Variants in ZNF385D observed in about 807,000 individuals in gnomAD.
ZNF385D encodes the protein zinc finger protein 659.
Under a neutral mutation model 35.8 loss-of-function variants are expected in ZNF385D, and 15 were observed. That is an observed-to-expected ratio of 0.42 (90% CI 0.28 to 0.64). The LOEUF is 0.64. Among genes scored for constraint, ZNF385D ranks in the 30% least tolerant of loss-of-function variants. The pLI is 0.23. For missense variants in ZNF385D, 474 were observed against 494.6 expected (o/e 0.96, Z 0.39); for synonymous variants, 212 against 186.8 (o/e 1.13, Z -1.10).
At position 21,915,424 on chromosome 3, in the gene ZNF385D, G is replaced by A. The variant is rs569843428; in HGVS notation, c.326-250396C>T. Among the ~76,000 whole-genome samples the A allele has an allele frequency of 2.6e-5, 4 of 152,214 alleles. No homozygotes were observed. In the South Asian group the frequency reaches 8.3e-4, roughly 32 times the overall value. ...TTAATAGCATTGTGTTACTTTGGAA[G>A]TACTATCATGCCTCTTTTTAATGTA... is the stretch of plus-strand genomic sequence containing the variant. On this transcript the variant is annotated intron_variant, in intron 3 of 5. Transcript: ENST00000494108.
At chr3:21,895,263 C>G (rs1047092390) in intron 3 of ZNF385D, among the ~76,000 whole-genome samples, 6 of 148,730 alleles carry the variant, frequency 4.0e-5, no homozygotes, top group African/African-American at 1.5e-4. Context: ...ACATGAGATT[C>G]CTACAAGTAG....
chr3:21,586,112 G>A (rs1289575867), intron 2 of ZNF385D, among the ~76,000 whole-genome samples: 1 of 152,084 alleles, frequency 6.6e-6, no homozygotes, highest in Non-Finnish European at 1.5e-5. Context: ...AGGCTAAGAT[G>A]AGAGGATCAC....
intron 2 of ZNF385D, among the ~76,000 whole-genome samples, chr3:22,174,957 C>A (rs1694717319): frequency 6.6e-6 from 1 of 151,792 alleles, no homozygotes; most frequent in South Asian, 2.1e-4. Flanking sequence ...AAGTTTTGCT[C>A]AAAAAAACTT....
chr3:21,440,170 T>G (rs1415969164), intron 4 of ZNF385D, among the ~76,000 whole-genome samples: 1 of 152,092 alleles, frequency 6.6e-6, no homozygotes, highest in Admixed American at 6.6e-5. Context: ...TTCTATACAA[T>G]GCATACATAT....
At chr3:21,946,728 A>T (rs1452583650) in intron 3 of ZNF385D, among the ~76,000 whole-genome samples, 2 of 152,206 alleles carry the variant, frequency 1.3e-5, no homozygotes, top group African/African-American at 4.8e-5. Context: ...GCTACTAGGG[A>T]GGCTGAAGCA....
chr3:21,462,900 C>A (rs566929107), intron 4 of ZNF385D, among the ~76,000 whole-genome samples: 6 of 152,144 alleles, frequency 3.9e-5, no homozygotes, highest in South Asian at 4.1e-4. Context: ...CAGAATCACT[C>A]GAACCAGGGA....
intron 1 of ZNF385D, among the ~76,000 whole-genome samples, chr3:21,676,155 C>T (rs1462015738): frequency 6.6e-6 from 1 of 152,048 alleles, no homozygotes; most frequent in African/African-American, 2.4e-5. Context: ...GTTTTAAGGG[C>T]CTATATTTAG....
At chr3:21,817,958 G>C (rs1239527730) in intron 3 of ZNF385D, among the ~76,000 whole-genome samples, 1 of 152,194 alleles carries the variant, frequency 6.6e-6, no homozygotes, top group Admixed American at 6.5e-5. Flanking sequence ...ACTGGATTAA[G>C]AAAATTTGGC....
Position 21,412,489 on chromosome 3 carries a change from A to G in ZNF385D, c.*8725T>C, listed in dbSNP as rs956063310. The stretch of plus-strand genomic sequence containing the variant: ...AAAAAAAGTTTCCCAAATTGAAAAC[A>G]TTGCCTATGGATTATCTACAGAAGA... On this transcript the variant is annotated 3_prime_UTR_variant, in exon 8 of 8. Transcript: ENST00000281523. 6.6e-6 allele frequency: 1 copy of G among 152,110 alleles called. No individual in the cohort carries two copies. Among genetic ancestry groups the G allele is most frequent in the African/African-American group, 2.4e-5 (1 of 41,434 alleles). 9.4% of individuals were successfully genotyped at this position (152,110 alleles called of 1,614,324 possible).
intron 3 of ZNF385D, among the ~76,000 whole-genome samples, chr3:21,969,326 G>A (rs1703100648): frequency 6.6e-6 from 1 of 152,046 alleles, no homozygotes; most frequent in Admixed American, 6.5e-5. Flanking sequence ...CATGGGGGCA[G>A]TTTCCCCCAT....
chr3:21,447,938 G>A (rs1372249043), intron 4 of ZNF385D, among the ~76,000 whole-genome samples: 1 of 152,094 alleles, frequency 6.6e-6, no homozygotes, highest in African/African-American at 2.4e-5. Context: ...AGGGTGCAAT[G>A]ATAAAATATT....
At chr3:21,949,475 T>C (rs923190007) in intron 3 of ZNF385D, among the ~76,000 whole-genome samples, 1 of 151,864 alleles carries the variant, frequency 6.6e-6, no homozygotes, top group African/African-American at 2.4e-5. Context: ...TGTTTTAGGG[T>C]AGTCTAAACT....
chr3:21,482,913 C>G (rs330889), intron 4 of ZNF385D, among the ~76,000 whole-genome samples: 58,959 of 151,832 alleles, frequency 0.39, 12,939 homozygotes, highest in African/African-American at 0.6. Context: ...CATCTAGATT[C>G]CTGCAATGAC....
At chr3:21,604,800 G>C (rs551960485) in intron 2 of ZNF385D, among the ~76,000 whole-genome samples, 1 of 152,256 alleles carries the variant, frequency 6.6e-6, no homozygotes, top group South Asian at 2.1e-4. Flanking sequence ...AAATATGCAA[G>C]GGAAGAGAAG....
chr3:21,960,841 G>T (rs896337884), intron 3 of ZNF385D, among the ~76,000 whole-genome samples: 6 of 152,108 alleles, frequency 3.9e-5, no homozygotes, highest in African/African-American at 1.4e-4. Context: ...AATAAATACT[G>T]TATGTTCTCG....
At chr3:22,362,323 T>C (rs911491457) in intron 2 of ZNF385D, among the ~76,000 whole-genome samples, 1 of 152,042 alleles carries the variant, frequency 6.6e-6, no homozygotes, top group African/African-American at 2.4e-5. Flanking sequence ...TGGAATATAT[T>C]GGTTTAGACA....
chr3:21,817,216 A>G (rs572414831), intron 3 of ZNF385D, among the ~76,000 whole-genome samples: 102 of 152,354 alleles, frequency 6.7e-4, no homozygotes, highest in African/African-American at 2.4e-3. Context: ...TGTTAGATGT[A>G]AAACCATAAA....
intron 2 of ZNF385D, among the ~76,000 whole-genome samples, chr3:22,206,678 C>T (rs138447316): frequency 8.4e-4 from 128 of 151,612 alleles, no homozygotes; most frequent in African/African-American, 2.5e-3. Context: ...TGAGTGACAA[C>T]GGAGTGAATG....
chr3:21,728,151 G>A (rs760930129), intron 1 of ZNF385D, among the ~76,000 whole-genome samples: 3 of 152,084 alleles, frequency 2.0e-5, no homozygotes, highest in Non-Finnish European at 2.9e-5. Flanking sequence ...GGAGGGCTAG[G>A]AGAGGGATAG....
Sources: allele counts gnomAD v4.1 joint callset (sites outside exome capture counted in the v4.1 genomes callset), GRCh38; gene constraint gnomAD v4.1.1; transcripts MANE v1.5; gene names NCBI Gene and HGNC (gene_info 2026-07-23, HGNC 2026-07-21).